TENM2: variants seen among roughly 807,000 people sequenced by gnomAD.
TENM2 encodes the protein teneurin transmembrane protein 2, also known as teneurin-2.
TENM2 carries 52 observed loss-of-function variants against 245.2 expected under a neutral mutation model. That is an observed-to-expected ratio of 0.21 (90% CI 0.17 to 0.27). The LOEUF (loss-of-function observed/expected upper bound fraction) is 0.27. TENM2 is among the 10% of genes least tolerant of loss of function. The pLI, the probability that TENM2 is intolerant of heterozygous loss-of-function variation, is 1.00. For synonymous variants in TENM2, 1,363 were observed against 1,438.9 expected, an observed-to-expected ratio of 0.95 and a Z score of 1.19; for missense variants, 3,046 against 3,666.8, an observed-to-expected ratio of 0.83 and a Z score of 4.37.
At chr5:167,131,239 A>G in the TENM2 span, among the ~76,000 whole-genome samples, 3 of 152,204 alleles carry the variant, frequency 2.0e-5, no homozygotes, top group African/African-American at 7.2e-5. Context: ...CAGTTTCTGT[A>G]TAATACATGG....
At chr5:167,038,582 C>G in the TENM2 span, among the ~76,000 whole-genome samples, 1 of 152,062 alleles carries the variant, frequency 6.6e-6, no homozygotes, top group Non-Finnish European at 1.5e-5. Flanking sequence ...AAAGACTTTT[C>G]TTATCTGAGA....
At chr5:167,140,041 C>A in the TENM2 span, among the ~76,000 whole-genome samples, 28 of 152,196 alleles carry the variant, frequency 1.8e-4, no homozygotes, top group African/African-American at 6.7e-4. Context: ...AGAGATTTGC[C>A]TAAAGTTACT....
intron 2 of TENM2, among the ~76,000 whole-genome samples, chr5:167,405,087 A>G (rs1762559681): frequency 6.6e-6 from 1 of 152,200 alleles, no homozygotes; most frequent in African/African-American, 2.4e-5. Context: ...TGTTCTTGAA[A>G]TTAATCCGTG....
At chr5:167,300,506 T>C (rs547544253) in intron 1 of TENM2, among the ~76,000 whole-genome samples, 2 of 152,262 alleles carry the variant, frequency 1.3e-5, no homozygotes, top group African/African-American at 2.4e-5. Flanking sequence ...AACCTGTAAG[T>C]CTTGTCTGGT....
intron 1 of TENM2, among the ~76,000 whole-genome samples, chr5:167,373,394 G>A (rs1301966260): frequency 6.6e-6 from 1 of 152,220 alleles, no homozygotes; most frequent in Non-Finnish European, 1.5e-5. Context: ...GATAAGGAAT[G>A]ATCTTAATGT....
chr5:167,029,955 G>A, the TENM2 span, among the ~76,000 whole-genome samples: 1 of 152,138 alleles, frequency 6.6e-6, no homozygotes, highest in Non-Finnish European at 1.5e-5. Flanking sequence ...CAATGCATGG[G>A]ATCTTTACCA....
chr5:168,205,400 A>C (rs1762274622), intron 19 of TENM2, among the ~76,000 whole-genome samples: 1 of 152,110 alleles, frequency 6.6e-6, no homozygotes, highest in African/African-American at 2.4e-5. Context: ...AGACAAAATC[A>C]TGTGGGCAAA....
intron 2 of TENM2, among the ~76,000 whole-genome samples, chr5:167,689,910 G>A (rs1303814855): frequency 6.6e-6 from 1 of 152,066 alleles, no homozygotes; most frequent in African/African-American, 2.4e-5. Context: ...ACAGGCGTGA[G>A]CCACCATGCC....
intron 3 of TENM2, among the ~76,000 whole-genome samples, chr5:167,911,322 C>G (rs1388681965): frequency 2.0e-5 from 3 of 152,034 alleles, no homozygotes; most frequent in African/African-American, 4.8e-5. Context: ...GTCAGGAGAT[C>G]GAGACCAACC....
rs1767756852 is a variant in TENM2, at chr5:167,824,018, T to G, written c.503-51968T>G. ...ACCCACCTTACCTAATTCAGGTTTG[T>G]GATGGCTCCCCTGCCTTCTCCCCGG... On this transcript the variant is annotated intron_variant, in intron 2 of 28. Transcript: ENST00000518659. 2.0e-5 allele frequency among the ~76,000 whole-genome samples: 3 copies of G among 152,104 alleles called. No individual in the cohort carries two copies. The South Asian group carries it at 6.2e-4, about 32-fold the overall frequency.
chr5:167,156,272 G>C, the TENM2 span, among the ~76,000 whole-genome samples: 240 of 152,230 alleles, frequency 1.6e-3, 1 homozygote, highest in Middle Eastern at 3.4e-3. Context: ...ATAAGTTTCA[G>C]GCTTGGTTCT....
the TENM2 span, among the ~76,000 whole-genome samples, chr5:167,107,699 A>G: frequency 6.6e-6 from 1 of 152,322 alleles, no homozygotes; most frequent in South Asian, 2.1e-4. Context: ...AAGTTTGGAG[A>G]CATCTGGAGG....
chr5:168,064,434 C>T (rs2569037), intron 7 of TENM2, among the ~76,000 whole-genome samples: 1,977 of 152,166 alleles, frequency 0.013, 41 homozygotes, highest in African/African-American at 0.045. Flanking sequence ...CTTGCATGCT[C>T]CAGGAAACCA....
the TENM2 span, among the ~76,000 whole-genome samples, chr5:167,076,478 G>A: frequency 6.6e-6 from 1 of 152,108 alleles, no homozygotes; most frequent in African/African-American, 2.4e-5. Flanking sequence ...GAAGTTTGAA[G>A]AAAATCAAGA....
the TENM2 span, among the ~76,000 whole-genome samples, chr5:167,072,217 A>T: frequency 6.6e-6 from 1 of 152,202 alleles, no homozygotes; most frequent in Admixed American, 6.5e-5. Flanking sequence ...ATCCAAGACG[A>T]GAATGACTTG....
At chr5:167,092,687 G>T in the TENM2 span, among the ~76,000 whole-genome samples, 1 of 152,146 alleles carries the variant, frequency 6.6e-6, no homozygotes, top group Admixed American at 6.6e-5. Context: ...ATAAGTTATG[G>T]TGAAGCCAGG....
intron 2 of TENM2, among the ~76,000 whole-genome samples, chr5:167,851,077 C>T (rs1027417926): frequency 1.3e-5 from 2 of 152,142 alleles, no homozygotes. Flanking sequence ...TTGAAACCTA[C>T]TTATGAAGAA....
chr5:167,125,855 T>G, the TENM2 span, among the ~76,000 whole-genome samples: 4 of 152,172 alleles, frequency 2.6e-5, no homozygotes, highest in Admixed American at 6.5e-5. Flanking sequence ...GTAACTAAAA[T>G]GGCTCAGCAA....
chr5:167,359,379 A>G (rs1357486586), intron 1 of TENM2, among the ~76,000 whole-genome samples: 1 of 152,116 alleles, frequency 6.6e-6, no homozygotes, highest in Non-Finnish European at 1.5e-5. Flanking sequence ...TGGCTTCCTC[A>G]TGCAGCAGGT....
Sources: gnomAD v4.1 joint callset for allele counts (sites outside exome capture counted in the v4.1 genomes callset) on GRCh38, gnomAD v4.1.1 for gene constraint, MANE v1.5 for transcripts, NCBI Gene and HGNC (gene_info 2026-07-23, HGNC 2026-07-21) for gene names.